Variants in BEAN1 observed in about 807,000 individuals in gnomAD.
BEAN1 encodes brain expressed associated with NEDD4 1.
BEAN1 carries 17 observed loss-of-function variants against 17.7 expected under a neutral mutation model. The ratio of observed to expected loss-of-function variants is 0.96; its 90% CI spans 0.66 to 1.44. BEAN1 has a LOEUF of 1.44. Ranked by LOEUF, BEAN1 falls within the 40% of genes most tolerant of loss-of-function variation. BEAN1 has a pLI of 0.00. For synonymous variants in BEAN1, 142 were observed against 151.8 expected (o/e 0.94, Z 0.47); for missense variants, 359 against 374.1 (o/e 0.96, Z 0.33).
Position 66,477,570 on chromosome 16 carries a change from G to A in BEAN1, c.300G>A (p.Glu100=), listed in dbSNP as rs962208792. 6 of 1,545,526 alleles carry A rather than the reference G, an allele frequency of 3.9e-6. No individual in the cohort carries two copies. In the African/African-American group the frequency reaches 5.5e-5, roughly 14 times the overall value. The change falls in exon 4 of 5, where the codon GAG becomes GAA. Residue 100 remains glutamate (E), a synonymous_variant. Coordinates refer to ENST00000536005, the MANE Select transcript of BEAN1 (RefSeq NM_001178020.3). ...REYEHGYVSD[E]HTYSRSSRRM... Reference sequence around the variant, plus strand: ...GTCTGTTCCCTGCAGTGTCGGACGAGCACACATACAGCCGCTCAAGCCGCA... The same window carrying A: ...GTCTGTTCCCTGCAGTGTCGGACGAACACACATACAGCCGCTCAAGCCGCA...
chr16:66,429,207 C>T (rs967178274), intron 1 of BEAN1, among the ~76,000 whole-genome samples: 2 of 152,196 alleles, frequency 1.3e-5, no homozygotes, highest in Non-Finnish European at 2.9e-5. Context: ...GCCTAGAGGT[C>T]TGAGGGGTCC....
intron 1 of BEAN1, among the ~76,000 whole-genome samples, chr16:66,430,779 A>G (rs1190178699): frequency 1.3e-5 from 2 of 152,216 alleles, no homozygotes; most frequent in Non-Finnish European, 2.9e-5. Flanking sequence ...TGCCCACGTC[A>G]ATATAATGTG....
chr16:66,445,345 G>A (rs562679245), intron 2 of BEAN1, among the ~76,000 whole-genome samples: 28 of 151,786 alleles, frequency 1.8e-4, no homozygotes, highest in African/African-American at 5.8e-4. Flanking sequence ...GCGTGGTGGT[G>A]GGCGCCTGTA....
intron 4 of BEAN1, 73 bp downstream of exon 4, chr16:66,477,783 T>A (rs1963816278): frequency 7.2e-7 from 1 of 1,388,834 alleles, no homozygotes; most frequent in Admixed American, 3.0e-5. Context: ...AACTCCATCA[T>A]GGGAAAGAGT....
chr16:66,430,572 C>T (rs1961758429), intron 1 of BEAN1, among the ~76,000 whole-genome samples: 2 of 152,158 alleles, frequency 1.3e-5, no homozygotes, highest in African/African-American at 2.4e-5. Context: ...TGTCTGAGAA[C>T]TGAAAAAGAA....
At chr16:66,444,095 A>G (rs549082209) in intron 2 of BEAN1, among the ~76,000 whole-genome samples, 4 of 152,320 alleles carry the variant, frequency 2.6e-5, no homozygotes, top group South Asian at 2.1e-4. Flanking sequence ...AGAGCACTCT[A>G]TGCTGGCAAA....
intron 2 of BEAN1, among the ~76,000 whole-genome samples, chr16:66,444,451 C>T (rs919353632): frequency 9.9e-5 from 15 of 152,062 alleles, no homozygotes; most frequent in South Asian, 6.2e-4. Flanking sequence ...CAGGTCCCCT[C>T]GGTGGTCCCT....
intron 4 of BEAN1, among the ~76,000 whole-genome samples, chr16:66,492,458 G>A (rs2142490668): frequency 6.6e-6 from 1 of 151,664 alleles, no homozygotes; most frequent in South Asian, 2.1e-4. Context: ...TTGTTTTTTT[G>A]AGATGGAGTC....
rs542920020 is a variant in BEAN1, at chr16:66,438,442, A to T, written c.25+741A>T. ...TTGTGAGGCTCCCATAGGTAAGAGA[A>T]AACCCACTGCTCCTCTCAAACATTA... On this transcript the variant is annotated intron_variant, in intron 2 of 4. Transcript: ENST00000536005. 2.6e-5 allele frequency among the ~76,000 whole-genome samples: 4 copies of T among 152,258 alleles called. No homozygotes were observed. The South Asian group carries it at 8.3e-4, about 32-fold the overall frequency.
intron 3 of BEAN1, among the ~76,000 whole-genome samples, chr16:66,474,092 G>A (rs1327340513): frequency 6.6e-6 from 1 of 152,166 alleles, no homozygotes; most frequent in Non-Finnish European, 1.5e-5. Context: ...GGTGTCCACA[G>A]AGGCCTGATT....
In BEAN1 at chr16:66,493,262, G is replaced by T. The variant is rs781588018; in HGVS notation, c.448G>T (p.Glu150Ter). 1 of 702,896 alleles carries T rather than the reference G, an allele frequency of 1.4e-6. No individual in the cohort carries two copies. Among genetic ancestry groups the T allele is most frequent in the South Asian group, 1.5e-5 (1 of 67,598 alleles). The allele number at this position is 702,896 out of a possible 1,614,324, so 43.5% of individuals were successfully genotyped here. A position where few individuals can be genotyped will look rare whatever the true frequency, so the allele number is the denominator to read the frequency against. The change falls in exon 5 of 5, where the codon GAG becomes TAG. Residue 150 changes from glutamate (E) to a stop codon, truncating the protein, a stop_gained. Transcript: ENST00000561796. LOFTEE classifies it low-confidence loss of function (END_TRUNC). Reference sequence around the variant, plus strand: ...GCTGGTGAAGCCCTGCAGCTGCCTCGAGGGGGTTCAGCCAGGCCCAGGTTC... The same window carrying T: ...GCTGGTGAAGCCCTGCAGCTGCCTCTAGGGGGTTCAGCCAGGCCCAGGTTC...
intron 1 of BEAN1, among the ~76,000 whole-genome samples, chr16:66,433,276 T>C (rs992589001): frequency 6.6e-6 from 1 of 151,982 alleles, no homozygotes; most frequent in Admixed American, 6.5e-5. Flanking sequence ...ACTCAGCTAA[T>C]TTTTTTGTAT....
intron 1 of BEAN1, among the ~76,000 whole-genome samples, chr16:66,432,903 G>A (rs1311094262): frequency 9.9e-5 from 15 of 152,046 alleles, no homozygotes; most frequent in Non-Finnish European, 1.5e-4. Context: ...TTCTGCAGCC[G>A]CTGTATCTAA....
intron 4 of BEAN1, among the ~76,000 whole-genome samples, chr16:66,492,362 T>G (rs529646432): frequency 6.6e-6 from 1 of 151,928 alleles, no homozygotes; most frequent in South Asian, 2.1e-4. Flanking sequence ...TTTTAATTTC[T>G]TCCTGCTCCA....
rs2142475975 is a variant in BEAN1, at chr16:66,482,515, T to G, written c.*1590T>G. On this transcript the variant is annotated 3_prime_UTR_variant, in exon 5 of 5. Transcript: ENST00000536005. ...CCAGACTCCATCTGGGGGAGGGACT[T>G]GTTTACAAGCAGTTCTGACCACCTT... 5.1e-6 allele frequency: 1 copy of G among 196,028 alleles called. No individual in the cohort carries two copies. Among genetic ancestry groups the G allele is most frequent in the East Asian group, 1.7e-4 (1 of 5,804 alleles). 12.1% of individuals were successfully genotyped at this position (196,028 alleles called of 1,614,324 possible).
At chr16:66,489,538 G>A (rs1309014637) in intron 4 of BEAN1, among the ~76,000 whole-genome samples, 1 of 152,216 alleles carries the variant, frequency 6.6e-6, no homozygotes, top group East Asian at 1.9e-4. Context: ...TTCAGGATCA[G>A]ATGAGCCCAT....
intron 2 of BEAN1, among the ~76,000 whole-genome samples, chr16:66,457,113 G>A (rs1460233397): frequency 6.6e-6 from 1 of 152,198 alleles, no homozygotes; most frequent in East Asian, 1.9e-4. Context: ...CAGTTTGAGA[G>A]GTCCATTTTA....
At chr16:66,493,762 G>C (rs1439610643), downstream of BEAN1, among the ~76,000 whole-genome samples, 1 of 152,236 alleles carries the variant, frequency 6.6e-6, no homozygotes, top group African/African-American at 2.4e-5. Flanking sequence ...CAGAAGCATA[G>C]CTGGAGCTGG....
intron 1 of BEAN1, chr16:66,428,456 CGA>C (rs993163458): frequency 6.6e-6 from 1 of 152,358 alleles, no homozygotes; most frequent in Non-Finnish European, 1.5e-5. Flanking sequence ...TCTGCTGGAA[CGA>C]GAGACTTCAC....
Sources: allele counts gnomAD v4.1 joint callset (sites outside exome capture counted in the v4.1 genomes callset), GRCh38; gene constraint gnomAD v4.1.1; transcripts MANE v1.5; gene names NCBI Gene and HGNC (gene_info 2026-07-23, HGNC 2026-07-21).